The following DPYSL5 variants were observed in gnomAD, a reference collection of about 807,000 sequenced individuals.
DPYSL5 encodes the protein dihydropyrimidinase like 5.
In DPYSL5, 9 loss-of-function variants were observed where a neutral mutation model predicts 58.4. That is an observed-to-expected ratio of 0.15 (90% CI 0.09 to 0.27). The LOEUF (loss-of-function observed/expected upper bound fraction) is 0.27, where lower values mean the gene tolerates loss of function less well. Ranked by LOEUF, DPYSL5 falls within the 10% of genes least tolerant of loss-of-function variation. The pLI is 1.00. For missense variants in DPYSL5, 499 were observed against 770.6 expected (o/e 0.65, Z 4.17); for synonymous variants, 293 against 301.9 (o/e 0.97, Z 0.31).
At position 26,942,851 on chromosome 2, in the gene DPYSL5, C is replaced by T. The variant is rs1665361514; in HGVS notation, c.1440+101C>T. 3.0e-6 allele frequency: 4 copies of T among 1,346,642 alleles called. No homozygotes were observed. Among genetic ancestry groups the T allele is most frequent in the East Asian group, 2.4e-5 (1 of 41,400 alleles). 83.4% of individuals were successfully genotyped at this position (1,346,642 alleles called of 1,614,324 possible). ...TCAAAGAGATGTTCACTCCAGTTTT[C>T]GACCCAATTCCATTGCACTTTCTCC... On this transcript the variant is annotated intron_variant, in intron 11 of 12. Transcript: ENST00000288699. The surrounding 1 kb of genome is among the most constrained non-coding windows in gnomAD (Gnocchi z 5.9).
chr2:26,884,613 A>G (rs1663666024), intron 1 of DPYSL5, among the ~76,000 whole-genome samples: 1 of 151,546 alleles, frequency 6.6e-6, no homozygotes, highest in Non-Finnish European at 1.5e-5. Flanking sequence ...AACTAATCTC[A>G]CTGAACAAGT....
chr2:26,943,986 G>A (rs1665394541), intron 11 of DPYSL5, among the ~76,000 whole-genome samples: 1 of 148,944 alleles, frequency 6.7e-6, no homozygotes, highest in South Asian at 2.1e-4. Context: ...CTGTGTGGGA[G>A]GGCGCTCTCT....
intron 1 of DPYSL5, among the ~76,000 whole-genome samples, chr2:26,869,782 T>C (rs759286159): frequency 2.6e-5 from 4 of 152,162 alleles, no homozygotes; most frequent in Admixed American, 1.3e-4. Context: ...GAGGCTGAGG[T>C]GGGCGGATCA....
chr2:26,857,859 T>C (rs1401963727), intron 1 of DPYSL5, among the ~76,000 whole-genome samples: 1 of 152,234 alleles, frequency 6.6e-6, no homozygotes, highest in East Asian at 1.9e-4. Context: ...ATATGAGCAC[T>C]AACCTTCAGC....
intron 8 of DPYSL5, among the ~76,000 whole-genome samples, chr2:26,935,173 C>T (rs532630314): frequency 6.6e-6 from 1 of 152,178 alleles, no homozygotes; most frequent in South Asian, 2.1e-4. Flanking sequence ...CCTTTCCTTC[C>T]CCTTTCCCTT....
chr2:26,887,177 C>T (rs557047566), intron 1 of DPYSL5, among the ~76,000 whole-genome samples: 27 of 152,316 alleles, frequency 1.8e-4, no homozygotes, highest in African/African-American at 6.0e-4. Context: ...TAAAATCATA[C>T]GTTTTTCTGT....
In DPYSL5 at chr2:26,946,919, T is replaced by A. The variant is rs771806055; in HGVS notation, c.1619T>A (p.Ile540Asn). The A allele has an allele frequency of 6.2e-7, 1 of 1,614,086 alleles. No individual in the cohort carries two copies. Among genetic ancestry groups the A allele is most frequent in the Non-Finnish European group, 8.5e-7 (1 of 1,179,918 alleles). The change falls in exon 13 of 13, where the codon ATC (isoleucine) becomes AAC (asparagine). Residue 540 changes from isoleucine to asparagine, a missense_variant. This residue lies in a region of DPYSL5 where 33 missense variants were observed against 63.8 expected (regional missense o/e 0.52). Coordinates refer to ENST00000288699, the MANE Select transcript of DPYSL5 (RefSeq NM_020134.4). ...GCTTCCTTCCCTGCAGGCTCTCAGATCGATGACCATGTTCCAAAGCGAGCT... is the reference window on the plus strand; with the variant it reads ...GCTTCCTTCCCTGCAGGCTCTCAGAACGATGACCATGTTCCAAAGCGAGCT... Reference protein sequence around the residue: ...ESSFSLSGSQIDDHVPKRASA... With the variant: ...ESSFSLSGSQNDDHVPKRASA...
chr2:26,885,141 G>A (rs1663683357), intron 1 of DPYSL5, among the ~76,000 whole-genome samples: 1 of 152,170 alleles, frequency 6.6e-6, no homozygotes, highest in Non-Finnish European at 1.5e-5. Flanking sequence ...GGAGGTTGCA[G>A]TGAGCTCGGA....
At chr2:26,937,595 A>C (rs1447229489) in intron 8 of DPYSL5, among the ~76,000 whole-genome samples, 1 of 152,084 alleles carries the variant, frequency 6.6e-6, no homozygotes, top group African/African-American at 2.4e-5. Flanking sequence ...AAAAAAGTAC[A>C]ATCTATAGAT....
intron 5 of DPYSL5, among the ~76,000 whole-genome samples, chr2:26,929,434 G>T (rs1664917006): frequency 6.6e-6 from 1 of 152,140 alleles, no homozygotes; most frequent in South Asian, 2.1e-4. Flanking sequence ...GTTTCACCAT[G>T]CTGGTCAGGC....
At chr2:26,885,301 C>T (rs146850153) in intron 1 of DPYSL5, among the ~76,000 whole-genome samples, 47 of 152,306 alleles carry the variant, frequency 3.1e-4, no homozygotes, top group African/African-American at 9.4e-4. Context: ...TTTCCCTCCC[C>T]GTACCCACTC....
At chr2:26,871,100 G>A (rs942131414) in intron 1 of DPYSL5, among the ~76,000 whole-genome samples, 26 of 152,156 alleles carry the variant, frequency 1.7e-4, no homozygotes, top group African/African-American at 5.8e-4. Context: ...TTCTTGTACG[G>A]CCTGGTGAGC....
rs543585512 is a variant in DPYSL5, at chr2:26,867,690, C to T, written c.-5+19436C>T. Among the ~76,000 whole-genome samples the T allele has an allele frequency of 4.6e-5, 7 of 151,934 alleles. No individual in the cohort carries two copies. The East Asian group carries it at 1.2e-3, about 25-fold the overall frequency. The stretch of plus-strand genomic sequence containing the variant: ...CGGGATGGTCTCGATCTCCTGACCT[C>T]GTGATCCGCCCGCCTCGGCCTCCCA... On this transcript the variant is annotated intron_variant, in intron 1 of 12. Coordinates refer to ENST00000288699, the MANE Select transcript of DPYSL5 (RefSeq NM_020134.4).
At chr2:26,929,919 G>A (rs907387139) in intron 5 of DPYSL5, among the ~76,000 whole-genome samples, 4 of 152,210 alleles carry the variant, frequency 2.6e-5, no homozygotes, top group Non-Finnish European at 4.4e-5. Flanking sequence ...TACTGTTTTA[G>A]AAGAGGGGGA....
chr2:26,918,441 A>G lies in DPYSL5; in HGVS notation c.262-6446A>G, dbSNP rs866781761. Reference sequence around the variant, plus strand: ...AACGCTGAAGGTGAAGGAGGTTACCATGAGCAATAGAGAAACTACCGAGCT... The same window carrying G: ...AACGCTGAAGGTGAAGGAGGTTACCGTGAGCAATAGAGAAACTACCGAGCT... On this transcript the variant is annotated intron_variant, in intron 2 of 12. Transcript: ENST00000288699. 2.0e-5 allele frequency among the ~76,000 whole-genome samples: 3 copies of G among 151,744 alleles called. 1 individual carries two copies. Among genetic ancestry groups the G allele is most frequent in the South Asian group, 4.1e-4 (2 of 4,820 alleles).
chr2:26,926,980 TA>T (rs1460225230), intron 3 of DPYSL5, among the ~76,000 whole-genome samples: 8 of 152,250 alleles, frequency 5.3e-5, no homozygotes, highest in Non-Finnish European at 1.0e-4. Context: ...GGGACAGGCC[TA>T]AGTGATAGGA....
intron 2 of DPYSL5, among the ~76,000 whole-genome samples, chr2:26,912,837 G>C (rs1237818287): frequency 6.6e-6 from 1 of 152,166 alleles, no homozygotes; most frequent in Admixed American, 6.5e-5. Flanking sequence ...AGCCCAAGCC[G>C]CACTTACCCC....
At position 26,939,866 on chromosome 2, in the gene DPYSL5, A is replaced by G. The variant is rs971095052; in HGVS notation, c.948-165A>G. 22 of 806,286 alleles carry G rather than the reference A, an allele frequency of 2.7e-5. No individual in the cohort carries two copies. The South Asian group carries it at 3.9e-4, about 14-fold the overall frequency. The allele number at this position is 806,286 out of a possible 1,614,324, so 49.9% of individuals were successfully genotyped here. The stretch of plus-strand genomic sequence containing the variant: ...TGTAGATGAGTAAACTGAGGTTCAC[A>G]TAGATGCAGTAACTCACGACAGACC... On this transcript the variant is annotated intron_variant, in intron 8 of 12. Coordinates refer to ENST00000288699, the MANE Select transcript of DPYSL5 (RefSeq NM_020134.4).
chr2:26,919,433 AAAAT>A (rs1466695142), intron 2 of DPYSL5, among the ~76,000 whole-genome samples: 1 of 152,232 alleles, frequency 6.6e-6, no homozygotes, highest in Non-Finnish European at 1.5e-5. Context: ...TGTCAAAAAC[AAAAT>A]AATAGCGACA....
Sources: allele counts gnomAD v4.1 joint callset (sites outside exome capture counted in the v4.1 genomes callset), GRCh38; gene constraint gnomAD v4.1.1; regional missense constraint gnomAD v4.1.1; non-coding constraint Gnocchi (gnomAD v3.1); transcripts MANE v1.5; gene names NCBI Gene and HGNC (gene_info 2026-07-23, HGNC 2026-07-21).